The following ANKFN1 variants were observed in gnomAD, a reference collection of about 807,000 sequenced individuals.
The protein encoded by ANKFN1 is ankyrin repeat and fibronectin type-III domain-containing protein 1.
ANKFN1 carries 74 observed loss-of-function variants against 108.7 expected under a neutral mutation model. That is an observed-to-expected ratio of 0.68 (90% CI 0.56 to 0.83). The LOEUF is 0.83. Ranked by LOEUF, ANKFN1 falls within the 40% of genes least tolerant of loss-of-function variation. The probability of loss-of-function intolerance (pLI) is 0.00; values close to 1 mark genes in which losing one functional copy is unlikely to be tolerated. For synonymous variants in ANKFN1, 547 were observed against 516.2 expected (o/e 1.06, Z -0.81); for missense variants, 1,505 against 1,382.3 (o/e 1.09, Z -1.41).
chr17:56,392,219 T>C (rs910991566), intron 8 of ANKFN1, among the ~76,000 whole-genome samples: 5 of 152,162 alleles, frequency 3.3e-5, no homozygotes, highest in Non-Finnish European at 7.3e-5. Flanking sequence ...CCATAATAAG[T>C]AGGGGCTGAG....
chr17:56,398,370 C>T (rs2047649731), intron 8 of ANKFN1, among the ~76,000 whole-genome samples: 1 of 152,088 alleles, frequency 6.6e-6, no homozygotes, highest in Non-Finnish European at 1.5e-5. Context: ...ATTACTACAC[C>T]AAGTGTAAAG....
intron 4 of ANKFN1, among the ~76,000 whole-genome samples, chr17:56,347,334 A>G (rs1009755296): frequency 2.0e-5 from 3 of 152,098 alleles, no homozygotes; most frequent in East Asian, 1.9e-4. Flanking sequence ...GATACTATGC[A>G]CAAAACAGAA....
At chr17:56,239,783 G>T (rs1917445327) in intron 3 of ANKFN1, among the ~76,000 whole-genome samples, 1 of 152,010 alleles carries the variant, frequency 6.6e-6, no homozygotes, top group Non-Finnish European at 1.5e-5. Flanking sequence ...TCTTTGGCAG[G>T]CTACTGGTCA....
chr17:56,313,722 C>T (rs986015342), intron 3 of ANKFN1, among the ~76,000 whole-genome samples: 1 of 152,204 alleles, frequency 6.6e-6, no homozygotes, highest in Non-Finnish European at 1.5e-5. Context: ...CTTCAAATCT[C>T]ATCTGATCTT....
chr17:56,211,558 C>G (rs1054551286), intron 1 of ANKFN1, among the ~76,000 whole-genome samples: 8 of 151,984 alleles, frequency 5.3e-5, no homozygotes, highest in African/African-American at 1.9e-4. Context: ...CAGACTTGTT[C>G]TTTTTGTTTA....
intron 20 of ANKFN1, among the ~76,000 whole-genome samples, chr17:56,506,259 G>A (rs145523661): frequency 1.4e-3 from 193 of 141,880 alleles, no homozygotes; most frequent in African/African-American, 5.0e-3. Context: ...TCCCCTTCCT[G>A]TGAATGTGAC....
intron 4 of ANKFN1, among the ~76,000 whole-genome samples, chr17:56,090,019 C>T (rs1302780131): frequency 1.3e-5 from 2 of 151,382 alleles, no homozygotes; most frequent in Non-Finnish European, 3.0e-5. Context: ...GGAAGGATAT[C>T]AGGGAAAGAT....
chr17:56,303,763 C>A (rs1011261417), intron 3 of ANKFN1, among the ~76,000 whole-genome samples: 3 of 151,970 alleles, frequency 2.0e-5, no homozygotes, highest in South Asian at 4.2e-4. Flanking sequence ...CAGCTCACTG[C>A]GACCTCCACC....
intron 5 of ANKFN1, among the ~76,000 whole-genome samples, chr17:56,351,759 T>A (rs1440604935): frequency 6.6e-6 from 1 of 152,194 alleles, no homozygotes; most frequent in Admixed American, 6.6e-5. Context: ...GTTACAGGTA[T>A]TCTCATATAA....
At chr17:56,087,764 C>A (rs948462287) in intron 4 of ANKFN1, among the ~76,000 whole-genome samples, 1 of 151,204 alleles carries the variant, frequency 6.6e-6, no homozygotes, top group African/African-American at 2.4e-5. Context: ...TTTATTGGAA[C>A]TTTATTAAGT....
intron 4 of ANKFN1, among the ~76,000 whole-genome samples, chr17:56,092,511 T>G (rs1205387939): frequency 1.3e-5 from 2 of 151,060 alleles, no homozygotes; most frequent in Non-Finnish European, 3.0e-5. Flanking sequence ...CCTGACCTCA[T>G]GATCCACCCA....
chr17:56,322,051 A>T (rs184197191), intron 3 of ANKFN1, among the ~76,000 whole-genome samples: 20 of 152,278 alleles, frequency 1.3e-4, no homozygotes, highest in African/African-American at 4.3e-4. Flanking sequence ...CCTGGTGCTA[A>T]ATGGGTTCTT....
At chr17:56,131,496 T>C (rs1907281294) in intron 4 of ANKFN1, among the ~76,000 whole-genome samples, 1 of 152,334 alleles carries the variant, frequency 6.6e-6, no homozygotes, top group South Asian at 2.1e-4. Flanking sequence ...AATCTCTGAC[T>C]CTAATTTGTA....
At chr17:56,253,734 G>A (rs2043290555) in intron 3 of ANKFN1, among the ~76,000 whole-genome samples, 1 of 152,034 alleles carries the variant, frequency 6.6e-6, no homozygotes, top group African/African-American at 2.4e-5. Flanking sequence ...GTAAGATCTT[G>A]TCTCAAAAAA....
intron 3 of ANKFN1, among the ~76,000 whole-genome samples, chr17:56,283,609 A>G (rs576061375): frequency 1.2e-4 from 18 of 151,862 alleles, no homozygotes; most frequent in Non-Finnish European, 2.5e-4. Context: ...AGAACTGGAG[A>G]ATATTATTCT....
intron 4 of ANKFN1, among the ~76,000 whole-genome samples, chr17:56,072,848 T>C (rs1905136081): frequency 6.6e-6 from 1 of 152,184 alleles, no homozygotes; most frequent in Admixed American, 6.5e-5. Context: ...GAAAGGAATA[T>C]GTGCAGTGGA....
chr17:56,178,322 A>C (rs987632374), intron 1 of ANKFN1, among the ~76,000 whole-genome samples: 1 of 152,200 alleles, frequency 6.6e-6, no homozygotes, highest in African/African-American at 2.4e-5. Flanking sequence ...CATTCATTTA[A>C]ATATGCCCCG....
chr17:56,170,774 T>TTATATATATATATA (rs60304505), intron 1 of ANKFN1, among the ~76,000 whole-genome samples: 2 of 68,094 alleles, frequency 2.9e-5, no homozygotes, highest in Non-Finnish European at 4.9e-5. Flanking sequence ...AAAAAATTTT[T>TTATATATATATATA]TATATATATA....
intron 2 of ANKFN1, among the ~76,000 whole-genome samples, chr17:56,219,405 C>T (rs1915682914): frequency 6.6e-6 from 1 of 152,056 alleles, no homozygotes; most frequent in African/African-American, 2.4e-5. Flanking sequence ...CACCACCATG[C>T]CTGGCTAATT....
Sources: gnomAD v4.1 joint callset for allele counts (sites outside exome capture counted in the v4.1 genomes callset) on GRCh38, gnomAD v4.1.1 for gene constraint, MANE v1.5 for transcripts, NCBI Gene and HGNC (gene_info 2026-07-23, HGNC 2026-07-21) for gene names.